The following LRRC1 variants were observed in gnomAD, a reference collection of about 807,000 sequenced individuals.
LRRC1 encodes the protein leucine-rich repeat-containing protein 1.
LRRC1 carries 28 observed loss-of-function variants against 69.9 expected under a neutral mutation model. That is an observed-to-expected ratio of 0.40 (90% CI 0.30 to 0.55). LRRC1 has a LOEUF of 0.55. Among genes scored for constraint, LRRC1 ranks in the 20% least tolerant of loss-of-function variants. The pLI, the probability that LRRC1 is intolerant of heterozygous loss-of-function variation, is 0.47. For synonymous variants in LRRC1, 236 were observed against 240.2 expected (o/e 0.98, Z 0.16); for missense variants, 498 against 609.0 (o/e 0.82, Z 1.92).
intron 4 of LRRC1, among the ~76,000 whole-genome samples, chr6:53,884,391 C>T (rs1767402263): frequency 6.6e-6 from 1 of 152,092 alleles, no homozygotes; most frequent in African/African-American, 2.4e-5. Flanking sequence ...CCTGTAGTCC[C>T]AGCTACTTGG....
At chr6:53,902,422 A>G (rs1768089014) in intron 8 of LRRC1, among the ~76,000 whole-genome samples, 1 of 152,146 alleles carries the variant, frequency 6.6e-6, no homozygotes, top group South Asian at 2.1e-4. Flanking sequence ...CTTATTGCTG[A>G]CCGTTTTTGA....
intron 1 of LRRC1, among the ~76,000 whole-genome samples, chr6:53,815,269 A>G (rs962358991): frequency 6.6e-6 from 1 of 152,000 alleles, no homozygotes; most frequent in Non-Finnish European, 1.5e-5. Flanking sequence ...GCCTAGGTTC[A>G]TGTCTTATCT....
At chr6:53,873,954 C>A (rs1766983562) in intron 2 of LRRC1, among the ~76,000 whole-genome samples, 1 of 152,148 alleles carries the variant, frequency 6.6e-6, no homozygotes, top group Non-Finnish European at 1.5e-5. Flanking sequence ...CTCCTCAGAA[C>A]CAGAAATAGT....
chr6:53,821,467 G>A (rs984037879), intron 1 of LRRC1, among the ~76,000 whole-genome samples: 1 of 151,882 alleles, frequency 6.6e-6, no homozygotes, highest in African/African-American at 2.4e-5. Context: ...AAGTATCATG[G>A]GCCATCAGCA....
intron 1 of LRRC1, among the ~76,000 whole-genome samples, chr6:53,815,330 C>T (rs1581848838): frequency 2.0e-5 from 3 of 152,278 alleles, no homozygotes; most frequent in Admixed American, 2.0e-4. Context: ...CATCTCCGAG[C>T]CTCATTTTTC....
chr6:53,883,127 G>A (rs949477302), intron 4 of LRRC1, 151 bp downstream of exon 4: 7 of 578,758 alleles, frequency 1.2e-5, no homozygotes, highest in Admixed American at 7.8e-5. Context: ...ATTATAGCCA[G>A]CCTCCTATGT....
chr6:53,874,275 A>AT (rs1427026840), intron 2 of LRRC1, among the ~76,000 whole-genome samples: 1 of 152,124 alleles, frequency 6.6e-6, no homozygotes, highest in Non-Finnish European at 1.5e-5. Context: ...CTACAGCCGA[A>AT]TTTGTACTAA....
At chr6:53,905,333 CAAA>C (rs748526111) in intron 10 of LRRC1, 12 of 71,250 alleles carry the variant, frequency 1.7e-4, no homozygotes, top group Admixed American at 3.4e-4. Context: ...GACTCTATCT[CAAA>C]AAAAAAAAAA....
intron 11 of LRRC1, 87 bp downstream of exon 11, chr6:53,914,056 T>C (rs767372963): frequency 6.3e-5 from 54 of 863,438 alleles, no homozygotes; most frequent in Non-Finnish European, 9.7e-5. Context: ...TTTTTGTCTT[T>C]GCTTTATCTT....
chr6:53,883,075 A>G, intron 4 of LRRC1, 99 bp downstream of exon 4: 2 of 711,490 alleles, frequency 2.8e-6, no homozygotes, highest in Non-Finnish European at 4.7e-6. Context: ...TTGTCTACTC[A>G]GAAAGCCATT....
At chr6:53,852,303 T>C (rs186014124) in intron 2 of LRRC1, among the ~76,000 whole-genome samples, 1 of 152,362 alleles carries the variant, frequency 6.6e-6, no homozygotes, top group East Asian at 1.9e-4. Flanking sequence ...TTCTATCATC[T>C]TTCATTTTGG....
At chr6:53,807,342 A>G (rs1381648183) in intron 1 of LRRC1, among the ~76,000 whole-genome samples, 1 of 152,178 alleles carries the variant, frequency 6.6e-6, no homozygotes, top group African/African-American at 2.4e-5. Flanking sequence ...GCATCGTTCT[A>G]TCTAGAAAGG....
chr6:53,866,607 T>TG (rs1167304489), intron 2 of LRRC1, among the ~76,000 whole-genome samples: 2 of 152,088 alleles, frequency 1.3e-5, no homozygotes, highest in African/African-American at 2.4e-5. Flanking sequence ...CCTCATTATT[T>TG]GGGGGGGATT....
intron 1 of LRRC1, among the ~76,000 whole-genome samples, chr6:53,809,672 G>A (rs892061410): frequency 6.6e-6 from 1 of 152,170 alleles, no homozygotes; most frequent in South Asian, 2.1e-4. Flanking sequence ...TCAGATACAG[G>A]TACAAGGTAA....
In LRRC1 at chr6:53,800,247, CTTTTTTTTTTTTT is replaced by C. The variant is rs55960000; in HGVS notation, c.159+4844_159+4856del. Among the ~76,000 whole-genome samples the C allele has an allele frequency of 1.6e-4, 14 of 89,544 alleles. No homozygotes were observed. In the Admixed American group the frequency reaches 1.7e-3, roughly 11 times the overall value. The allele number at this position is 89,544 out of a possible 152,430, so 58.7% of individuals were successfully genotyped here. ...TTATTTTAAAATAATGTTTCTTTTT[CTTTTTTTTTTTTT>C]TTTTTTTTTTTGAGACGAAGTCTCT... is the stretch of plus-strand genomic sequence containing the variant. On this transcript the variant is annotated intron_variant, in intron 1 of 13. Coordinates refer to ENST00000370888, the MANE Select transcript of LRRC1 (RefSeq NM_018214.5).
At chr6:53,894,114 C>A (rs1203734369) in intron 4 of LRRC1, among the ~76,000 whole-genome samples, 1 of 152,212 alleles carries the variant, frequency 6.6e-6, no homozygotes, top group East Asian at 1.9e-4. Context: ...AGAACAGAGA[C>A]ACCTGGAGAT....
At chr6:53,846,356 G>A (rs1765944080) in intron 2 of LRRC1, among the ~76,000 whole-genome samples, 1 of 152,194 alleles carries the variant, frequency 6.6e-6, no homozygotes, top group Admixed American at 6.5e-5. Flanking sequence ...AGAGAGCCTT[G>A]GGATGAGCAC....
At chr6:53,912,948 G>A (rs1768458665) in intron 10 of LRRC1, among the ~76,000 whole-genome samples, 1 of 152,150 alleles carries the variant, frequency 6.6e-6, no homozygotes, top group African/African-American at 2.4e-5. Flanking sequence ...GCAGAATGTT[G>A]TGTCTGGGAT....
In LRRC1 at chr6:53,862,284, A is replaced by G. The variant is rs535835804; in HGVS notation, c.278-16709A>G. On this transcript the variant is annotated intron_variant, in intron 2 of 13. Coordinates refer to ENST00000370888, the MANE Select transcript of LRRC1 (RefSeq NM_018214.5). ...CTTCTTGAAGTAGCCATTAACCTGAATCGTGTGTGTGTGTGTGTGTGTGTG... is the reference window on the plus strand; with the variant it reads ...CTTCTTGAAGTAGCCATTAACCTGAGTCGTGTGTGTGTGTGTGTGTGTGTG... Among the ~76,000 whole-genome samples, 345 of 115,524 alleles carry G rather than the reference A, an allele frequency of 3.0e-3. 3 individuals carry two copies. The highest frequency in any genetic ancestry group is 0.011 in the African/African-American group (335 of 29,536). 75.8% of individuals were successfully genotyped at this position (115,524 alleles called of 152,430 possible).
Sources: allele counts gnomAD v4.1 joint callset (sites outside exome capture counted in the v4.1 genomes callset), GRCh38; gene constraint gnomAD v4.1.1; transcripts MANE v1.5; gene names NCBI Gene and HGNC (gene_info 2026-07-23, HGNC 2026-07-21).